The following GNL3 variants were observed in gnomAD, a reference collection of about 807,000 sequenced individuals.
GNL3 encodes guanine nucleotide-binding protein-like 3.
In GNL3, 77 loss-of-function variants were observed where a neutral mutation model predicts 70.6. The ratio of observed to expected loss-of-function variants is 1.09; its 90% confidence interval spans 0.91 to 1.32. The LOEUF is 1.32. Ranked by LOEUF, GNL3 falls within the 40% of genes most tolerant of loss-of-function variation. GNL3 has a pLI of 0.00. For missense variants in GNL3, 634 were observed against 644.0 expected (o/e 0.98, Z 0.17); for synonymous variants, 252 against 216.1 (o/e 1.17, Z -1.46).
At position 52,690,946 on chromosome 3, in the gene GNL3, G is replaced by C. The variant is rs369417968; in HGVS notation, c.656G>C (p.Arg219Pro). ...KPKDKGKITK[R>P]VKAKKNAAPF... ...TAATTCAACTATTTGGAATTTTAGC[G>C]TGTGAAGGCAAAGAAGAATGCTGCT... Residue 219 changes from arginine to proline, a missense_variant and splice_region_variant, in exon 8 of 15, where the codon CGT (arginine) becomes CCT (proline). Arg to Pro is a moderately radical substitution (Grantham distance 103, BLOSUM62 -2). Transcript: ENST00000418458. 3 of 1,613,756 alleles carry C rather than the reference G, an allele frequency of 1.9e-6. No homozygotes were observed. Among genetic ancestry groups the C allele is most frequent in the East Asian group, 2.2e-5 (1 of 44,876 alleles).
chr3:52,688,986 T>C, intron 5 of GNL3, 88 bp from the exon 6 acceptor site: 1 of 1,071,028 alleles, frequency 9.3e-7, no homozygotes, highest in Non-Finnish European at 1.4e-6. Context: ...GCCAGTACTC[T>C]CTTGTGGAAG....
rs1460451474 is a variant in GNL3 at position 52,690,987 on chromosome 3, G to A, written c.697G>A (p.Val233Ile). 1.2e-6 allele frequency: 2 copies of A among 1,613,850 alleles called. No homozygotes were observed. Among genetic ancestry groups the A allele is most frequent in the Admixed American group, 1.7e-5 (1 of 60,022 alleles). Reference protein sequence around the residue: ...KKNAAPFRSEVCFGKEGLWKL... With the variant: ...KKNAAPFRSEICFGKEGLWKL... ...GAATGCTGCTCCATTCAGAAGTGAA[G>A]TCTGCTTTGGGAAAGAGGGCCTTTG... Residue 233 changes from valine (V) to isoleucine (I), a missense_variant, in exon 8 of 15, where the codon GTC becomes ATC. Physicochemically the swap from Val to Ile is conservative, Grantham distance 29. Transcript: ENST00000418458.
At position 52,693,756 on chromosome 3, in the gene GNL3, G is replaced by A; in HGVS notation, c.1449G>A (p.Glu483=). The A allele has an allele frequency of 6.2e-7, 1 of 1,614,162 alleles. No individual in the cohort carries two copies. Reference sequence around the variant, plus strand: ...AACGGAAAGAAAGGAAGCAGGAGGAGAGGGAGGATGACAAAGACAGTGACC... The same window carrying A: ...AACGGAAAGAAAGGAAGCAGGAGGAAAGGGAGGATGACAAAGACAGTGACC... ...LPKRKERKQE[E]REDDKDSDQE... Residue 483 remains glutamate, a synonymous_variant, in exon 13 of 15, where the codon GAG becomes GAA. Coordinates refer to ENST00000418458, the MANE Select transcript of GNL3 (RefSeq NM_014366.5).
At chr3:52,689,847 A>T (rs997812872) in intron 6 of GNL3, among the ~76,000 whole-genome samples, 5 of 152,070 alleles carry the variant, frequency 3.3e-5, no homozygotes, top group African/African-American at 1.2e-4. Flanking sequence ...AGCTACTCGG[A>T]AGGCTGAGGC....
In GNL3 at chr3:52,692,881, A is replaced by G. The variant is rs138028025; in HGVS notation, c.879A>G (p.Gln293=). Reference sequence around the variant, plus strand: ...ATCGCTCTTCTTTCAGGAGCATGCAAGTTGTCCCCTTGGACAAACAGATCA... The same window carrying G: ...ATCGCTCTTCTTTCAGGAGCATGCAGGTTGTCCCCTTGGACAAACAGATCA... ...GVSMGLTRSM[Q]VVPLDKQITI... is the part of the protein sequence containing the mutation. Residue 293 remains glutamine (Q), a synonymous_variant, in exon 10 of 15, where the codon CAA becomes CAG. Coordinates refer to ENST00000418458, the MANE Select transcript of GNL3 (RefSeq NM_014366.5). The G allele has an allele frequency of 4.3e-6, 7 of 1,611,526 alleles. No individual in the cohort carries two copies. Among genetic ancestry groups the G allele is most frequent in the Non-Finnish European group, 5.1e-6 (6 of 1,178,248 alleles).
intron 13 of GNL3, 107 bp from the exon 14 acceptor site, chr3:52,693,930 C>T: frequency 7.8e-7 from 1 of 1,281,468 alleles, no homozygotes; most frequent in Non-Finnish European, 1.1e-6. Context: ...TTTTGCACAT[C>T]CCGTTATATG....
chr3:52,693,376 C>T lies in GNL3; in HGVS notation c.1188-32C>T, dbSNP rs758714910. On this transcript the variant is annotated intron_variant, in intron 11 of 14. Coordinates refer to ENST00000418458, the MANE Select transcript of GNL3 (RefSeq NM_014366.5). ...CATTTTGGTGACCACTAGAATAAAC[C>T]TTCTTTTGACACATCTTATTTTTAA... is the stretch of plus-strand genomic sequence containing the variant. 8 of 1,613,702 alleles carry T rather than the reference C, an allele frequency of 5.0e-6. No individual in the cohort carries two copies. The Admixed American group carries it at 5.0e-5, about 10-fold the overall frequency.
At chr3:52,691,231 AC>A in intron 8 of GNL3, 160 bp downstream of exon 8, 1 of 650,790 alleles carries the variant, frequency 1.5e-6, no homozygotes, top group African/African-American at 1.8e-5. Context: ...AAAGCACATA[AC>A]CACACACAAT....
chr3:52,688,646 C>T (rs2097324465), intron 5 of GNL3, among the ~76,000 whole-genome samples: 1 of 152,104 alleles, frequency 6.6e-6, no homozygotes, highest in Non-Finnish European at 1.5e-5. Flanking sequence ...TCTGTTGAAA[C>T]CTAAGTGAAG....
intron 5 of GNL3, among the ~76,000 whole-genome samples, 199 bp downstream of exon 5, chr3:52,688,391 C>G (rs768110331): frequency 6.6e-6 from 1 of 152,120 alleles, no homozygotes; most frequent in Non-Finnish European, 1.5e-5. Flanking sequence ...CTTTCCTGAT[C>G]CTCTCCCTCC....
chr3:52,690,956 A>G lies in GNL3; in HGVS notation c.666A>G (p.Ala222=). The part of the protein sequence containing the change: ...DKGKITKRVK[A]KKNAAPFRSE... ...ATTTGGAATTTTAGCGTGTGAAGGC[A>G]AAGAAGAATGCTGCTCCATTCAGAA... Residue 222 remains alanine, a synonymous_variant, in exon 8 of 15, where the codon GCA becomes GCG. Coordinates refer to ENST00000418458, the MANE Select transcript of GNL3 (RefSeq NM_014366.5). 6.2e-7 allele frequency: 1 copy of G among 1,614,008 alleles called. No individual in the cohort carries two copies.
chr3:52,693,383 T>A, intron 11 of GNL3, 25 bp from the exon 12 acceptor site: 1 of 1,614,090 alleles, frequency 6.2e-7, no homozygotes. Flanking sequence ...AACCTTCTTT[T>A]GACACATCTT....
rs1561259436 is a variant in GNL3 at position 52,693,734 on chromosome 3, GGAAA to G, written c.1433_1436del (p.Glu478GlyfsTer100). Reference sequence around the variant, plus strand: ...GACATACATGAAGAATTGCCAAAACGGAAAGAAAGGAAGCAGGAGGAGAGGGAGG... The same window carrying G: ...GACATACATGAAGAATTGCCAAAACGGAAAGGAAGCAGGAGGAGAGGGAGG... On this transcript the variant is annotated frameshift_variant, in exon 13 of 15. Coordinates refer to ENST00000418458, the MANE Select transcript of GNL3 (RefSeq NM_014366.5). LOFTEE classifies it high-confidence loss of function. 7 of 1,613,648 alleles carry G rather than the reference GGAAA, an allele frequency of 4.3e-6. No homozygotes were observed. The South Asian group carries it at 4.4e-5, about 10-fold the overall frequency.
chr3:52,689,572 A>C (rs2097325392), intron 6 of GNL3, among the ~76,000 whole-genome samples: 1 of 152,222 alleles, frequency 6.6e-6, no homozygotes. Flanking sequence ...GTATGTGACA[A>C]AATATTTAAA....
chr3:52,692,606 C>G (rs544315684), intron 9 of GNL3: 1 of 480,184 alleles, frequency 2.1e-6, no homozygotes, highest in Non-Finnish European at 4.1e-6. Flanking sequence ...CGTGAGCCAC[C>G]GCGCCCAGCC....
At chr3:52,688,786 A>G in intron 5 of GNL3, 1 of 391,216 alleles carries the variant, frequency 2.6e-6, no homozygotes, top group East Asian at 5.7e-5. Context: ...GACCTATCAA[A>G]CTATATAATT....
intron 2 of GNL3, 74 bp from the exon 3 acceptor site, chr3:52,687,172 T>C: frequency 7.8e-7 from 1 of 1,275,622 alleles, no homozygotes; most frequent in East Asian, 2.3e-5. Context: ...TGCAGCCAGA[T>C]TGGTTTCTCA....
At chr3:52,686,172 C>A in intron 1 of GNL3, 67 bp downstream of exon 1, 1 of 1,555,510 alleles carries the variant, frequency 6.4e-7, no homozygotes, top group Non-Finnish European at 8.9e-7. Flanking sequence ...CACCACGACG[C>A]TCTTCTACGG....
chr3:52,689,194 TTAAA>T lies in GNL3; in HGVS notation c.535_538del (p.Lys179GlnfsTer13). 2 of 1,613,444 alleles carry T rather than the reference TTAAA, an allele frequency of 1.2e-6. No homozygotes were observed. The highest frequency in any genetic ancestry group is 2.2e-5 in the South Asian group (2 of 91,070). On this transcript the variant is annotated frameshift_variant, in exon 6 of 15. Transcript: ENST00000418458. LOFTEE classifies it high-confidence loss of function. ...TGGACAGAAAAAGCTGGTACTTATA[TTAAA>T]TAAATCAGGTGAGTAAAGAGGGTAC...
Sources: allele counts gnomAD v4.1 joint callset (sites outside exome capture counted in the v4.1 genomes callset), GRCh38; gene constraint gnomAD v4.1.1; transcripts MANE v1.5; gene names NCBI Gene and HGNC (gene_info 2026-07-23, HGNC 2026-07-21).